Variants in OSBPL3 observed in about 807,000 individuals in gnomAD.
OSBPL3 encodes the protein oxysterol binding protein like 3, also known as oxysterol-binding protein-related protein 3.
In OSBPL3, 65 loss-of-function variants were observed where a neutral mutation model predicts 120.1. The observed-to-expected ratio is 0.54, with a 90% confidence interval of 0.44 to 0.67. The LOEUF (loss-of-function observed/expected upper bound fraction) is 0.67. Ranked by LOEUF, OSBPL3 falls within the 30% of genes least tolerant of loss-of-function variation. OSBPL3 has a pLI of 0.00. For synonymous variants in OSBPL3, 416 were observed against 402.6 expected (o/e 1.03, Z -0.40); for missense variants, 1,004 against 1,082.1 (o/e 0.93, Z 1.01).
At chr7:24,845,384 T>TTAAAAAA (rs1798287457) in intron 12 of OSBPL3, among the ~76,000 whole-genome samples, 2 of 62,264 alleles carry the variant, frequency 3.2e-5, no homozygotes, top group Admixed American at 2.6e-4. Context: ...GCAAAATAAG[T>TTAAAAAA]AAAAAAAAAA....
Position 24,865,322 on chromosome 7 carries a change from G to A in OSBPL3, c.673+20C>T. ...CATCTAATAGCCACAACAGAAAGCA[G>A]ACGTTTCAAGTCACTCTACCTTTGG... On this transcript the variant is annotated intron_variant, in intron 7 of 22. Coordinates refer to ENST00000313367, the MANE Select transcript of OSBPL3 (RefSeq NM_015550.4). 1 of 1,612,718 alleles carries A rather than the reference G, an allele frequency of 6.2e-7. No individual in the cohort carries two copies. Among genetic ancestry groups the A allele is most frequent in the East Asian group, 2.2e-5 (1 of 44,858 alleles).
Position 24,852,503 on chromosome 7 carries a change from C to A in OSBPL3, c.1158+1G>T. On this transcript the variant is annotated splice_donor_variant, in intron 11 of 22. Transcript: ENST00000313367. LOFTEE classifies it high-confidence loss of function. The surrounding 1 kb of genome is among the most constrained non-coding windows in gnomAD (Gnocchi z 4.1). Reference sequence around the variant, plus strand: ...TTCCTGGAGGCAGACATGTAACTTACGGATGACAGGGCGTTCTTCAGACCA... The same window carrying A: ...TTCCTGGAGGCAGACATGTAACTTAAGGATGACAGGGCGTTCTTCAGACCA... The A allele has an allele frequency of 1.3e-6, 2 of 1,568,552 alleles. No homozygotes were observed. The highest frequency in any genetic ancestry group is 2.3e-5 in the East Asian group (1 of 44,134).
chr7:24,861,674 G>T lies in OSBPL3; in HGVS notation c.966C>A (p.Gly322=). 1 of 1,610,052 alleles carries T rather than the reference G, an allele frequency of 6.2e-7. No homozygotes were observed. Among genetic ancestry groups the T allele is most frequent in the South Asian group, 1.1e-5 (1 of 90,884 alleles). The change falls in exon 10 of 23, where the codon GGC becomes GGA. Residue 322 remains glycine (G), a synonymous_variant. Coordinates refer to ENST00000313367, the MANE Select transcript of OSBPL3 (RefSeq NM_015550.4). ...DFGEEKNYSD[G]SETSSEFSKM... is the part of the protein sequence containing the mutation. The stretch of plus-strand genomic sequence containing the variant: ...TAGAAAACTCTGATGAGGTTTCAGA[G>T]CCATCAGAATAATTTTTCTCTTCTC...
intron 1 of OSBPL3, among the ~76,000 whole-genome samples, chr7:24,928,472 T>C (rs1472455691): frequency 2.0e-5 from 3 of 152,182 alleles, no homozygotes; most frequent in Non-Finnish European, 2.9e-5. Context: ...ATTACAGGCA[T>C]CAGCCACCGT....
rs1215513764 is a variant in OSBPL3, at chr7:24,819,272, C to A, written c.1948+903G>T. Among the ~76,000 whole-genome samples, 9 of 149,000 alleles carry A rather than the reference C, an allele frequency of 6.0e-5. No individual in the cohort carries two copies. The highest frequency in any genetic ancestry group is 8.9e-5 in the Non-Finnish European group (6 of 67,150). ...ATTTCAAAAAAAAAAAAAAAAAATC[C>A]AACTTTTGAAAAAACAAAGAAGAGG... On this transcript the variant is annotated intron_variant, in intron 17 of 22. Coordinates refer to ENST00000313367, the MANE Select transcript of OSBPL3 (RefSeq NM_015550.4). The surrounding 1 kb of genome is among the most constrained non-coding windows in gnomAD (Gnocchi z 4.1).
At chr7:24,977,511 T>C (rs1409325835) in intron 1 of OSBPL3, among the ~76,000 whole-genome samples, 1 of 152,132 alleles carries the variant, frequency 6.6e-6, no homozygotes, top group East Asian at 1.9e-4. Context: ...TTCCAATTCT[T>C]CACCTGAAAA....
intron 1 of OSBPL3, among the ~76,000 whole-genome samples, chr7:24,969,986 C>T (rs1244315523): frequency 6.6e-6 from 1 of 152,124 alleles, no homozygotes; most frequent in Admixed American, 6.6e-5. Flanking sequence ...ATTACACAGT[C>T]CTTCTCTTCA....
At chr7:24,845,384 T>TTA (rs1798287457) in intron 12 of OSBPL3, among the ~76,000 whole-genome samples, 2 of 62,266 alleles carry the variant, frequency 3.2e-5, no homozygotes, top group Admixed American at 2.6e-4. Flanking sequence ...GCAAAATAAG[T>TTA]AAAAAAAAAA....
chr7:24,849,608 G>A lies in OSBPL3; in HGVS notation c.1159-432C>T, dbSNP rs554045980. 6.6e-6 allele frequency among the ~76,000 whole-genome samples: 1 copy of A among 152,254 alleles called. No homozygotes were observed. Among genetic ancestry groups the A allele is most frequent in the African/African-American group, 2.4e-5 (1 of 41,548 alleles). On this transcript the variant is annotated intron_variant, in intron 11 of 22. Coordinates refer to ENST00000313367, the MANE Select transcript of OSBPL3 (RefSeq NM_015550.4). This position sits in a 1 kb window ranked among gnomAD's most constrained non-coding sequence, Gnocchi z 5.4. Reference sequence around the variant, plus strand: ...TATGCTGGCCCCATCCCTTATGATTGGACATATTTCAATGTTACTTAATTA... The same window carrying A: ...TATGCTGGCCCCATCCCTTATGATTAGACATATTTCAATGTTACTTAATTA...
chr7:24,897,028 C>A (rs941031393), intron 1 of OSBPL3, among the ~76,000 whole-genome samples: 14 of 149,636 alleles, frequency 9.4e-5, no homozygotes, highest in African/African-American at 3.4e-4. Context: ...ACTGAGATTG[C>A]ACCACTGCAC....
rs532000528 is a variant in OSBPL3, at chr7:24,940,160, C to CA, written c.-150+39725dup. On this transcript the variant is annotated intron_variant, in intron 1 of 22. Transcript: ENST00000313367. The surrounding 1 kb of genome is among the most constrained non-coding windows in gnomAD (Gnocchi z 4.4). ...TAATAAAGGTTTGAAATAGCTGCTA[C>CA]AAAAAAAATGGGAAAGGGTTTGAAC... Among the ~76,000 whole-genome samples, 8 of 151,422 alleles carry CA rather than the reference C, an allele frequency of 5.3e-5. No homozygotes were observed. Among genetic ancestry groups the CA allele is most frequent in the East Asian group, 1.9e-4 (1 of 5,166 alleles).
intron 10 of OSBPL3, among the ~76,000 whole-genome samples, chr7:24,853,754 A>G (rs1332398866): frequency 6.6e-6 from 1 of 152,226 alleles, no homozygotes; most frequent in Non-Finnish European, 1.5e-5. Context: ...AAAAAGTGAA[A>G]GCGTGTGTGT....
In OSBPL3 at chr7:24,799,559, C is replaced by T. The variant is rs2128085291; in HGVS notation, c.*624G>A. On this transcript the variant is annotated 3_prime_UTR_variant, in exon 23 of 23. Transcript: ENST00000313367. The surrounding 1 kb of genome is among the most constrained non-coding windows in gnomAD (Gnocchi z 5.3). ...CTATAGGGAGGAACAAGTTCAAATG[C>T]TTCCTTTTCAAGAAGGTGCCGTATA... The T allele has an allele frequency of 6.6e-6, 1 of 152,304 alleles. No individual in the cohort carries two copies. The allele number at this position is 152,304 out of a possible 1,614,324, so 9.4% of individuals were successfully genotyped here.
At chr7:24,951,932 A>T (rs1330239450) in intron 1 of OSBPL3, among the ~76,000 whole-genome samples, 2 of 152,216 alleles carry the variant, frequency 1.3e-5, no homozygotes, top group African/African-American at 4.8e-5. Flanking sequence ...TCTTTTTTTT[A>T]AAACATAAAA....
At chr7:24,823,077 T>C (rs1795303581) in intron 16 of OSBPL3, among the ~76,000 whole-genome samples, 1 of 152,238 alleles carries the variant, frequency 6.6e-6, no homozygotes, top group Non-Finnish European at 1.5e-5. Context: ...ATCTGCCATG[T>C]GCTGCACTAG....
chr7:24,808,985 C>T lies in OSBPL3; in HGVS notation c.2317+822G>A, dbSNP rs1020515848. On this transcript the variant is annotated intron_variant, in intron 20 of 22. Coordinates refer to ENST00000313367, the MANE Select transcript of OSBPL3 (RefSeq NM_015550.4). This position sits in a 1 kb window ranked among gnomAD's most constrained non-coding sequence, Gnocchi z 4.6. ...TTTGCATTCATTAGGGGAAACACCA[C>T]GGCACACTGGGAGTAGCAGAATGTA... Among the ~76,000 whole-genome samples the T allele has an allele frequency of 3.9e-5, 6 of 152,118 alleles. No homozygotes were observed. The highest frequency in any genetic ancestry group is 1.2e-4 in the African/African-American group (5 of 41,408).
rs1281124474 is a variant in OSBPL3 at position 24,833,909 on chromosome 7, T to A, written c.1746+577A>T. On this transcript the variant is annotated intron_variant, in intron 15 of 22. Coordinates refer to ENST00000313367, the MANE Select transcript of OSBPL3 (RefSeq NM_015550.4). This position sits in a 1 kb window ranked among gnomAD's most constrained non-coding sequence, Gnocchi z 4.4. ...TGCTGTGACTGGAGCTGATGCCCAG[T>A]AGGGAAGAGAAGGCTTTTCTACGAT... 1.3e-5 allele frequency among the ~76,000 whole-genome samples: 2 copies of A among 152,044 alleles called. No homozygotes were observed. Among genetic ancestry groups the A allele is most frequent in the Non-Finnish European group, 1.5e-5 (1 of 68,002 alleles).
chr7:24,873,797 T>C lies in OSBPL3; in HGVS notation c.97-1728A>G, dbSNP rs1187076959. On this transcript the variant is annotated intron_variant, in intron 2 of 22. Transcript: ENST00000313367. This position sits in a 1 kb window ranked among gnomAD's most constrained non-coding sequence, Gnocchi z 4.1. ...GCTCAGAAAGCCATTCCACAAAATTTAACACATTTTACCCATCTAAATGTT... is the reference window on the plus strand; with the variant it reads ...GCTCAGAAAGCCATTCCACAAAATTCAACACATTTTACCCATCTAAATGTT... Among the ~76,000 whole-genome samples the C allele has an allele frequency of 6.6e-6, 1 of 152,164 alleles. No individual in the cohort carries two copies. The highest frequency in any genetic ancestry group is 1.9e-4 in the East Asian group (1 of 5,192).
In OSBPL3 at chr7:24,972,862, T is replaced by A. The variant is rs955698393; in HGVS notation, c.-150+7024A>T. On this transcript the variant is annotated intron_variant, in intron 1 of 22. Coordinates refer to ENST00000313367, the MANE Select transcript of OSBPL3 (RefSeq NM_015550.4). This position sits in a 1 kb window ranked among gnomAD's most constrained non-coding sequence, Gnocchi z 4.3. ...TTGTTTTATAAGATGTAAACTATAATTTTAAAGTTCTTGTAACTATTACAA... is the reference window on the plus strand; with the variant it reads ...TTGTTTTATAAGATGTAAACTATAAATTTAAAGTTCTTGTAACTATTACAA... Among the ~76,000 whole-genome samples the A allele has an allele frequency of 6.6e-6, 1 of 152,194 alleles. No individual in the cohort carries two copies. The highest frequency in any genetic ancestry group is 1.5e-5 in the Non-Finnish European group (1 of 68,030).
Sources: gnomAD v4.1 joint callset for allele counts (sites outside exome capture counted in the v4.1 genomes callset) on GRCh38, gnomAD v4.1.1 for gene constraint, Gnocchi (gnomAD v3.1) non-coding constraint, MANE v1.5 for transcripts, NCBI Gene and HGNC (gene_info 2026-07-23, HGNC 2026-07-21) for gene names.